Variants in EHMT1 observed in about 807,000 individuals in gnomAD.
EHMT1 encodes euchromatic histone lysine methyltransferase 1, also known as histone-lysine N-methyltransferase EHMT1.
Under a neutral mutation model 147.2 loss-of-function variants are expected in EHMT1, and 15 were observed. That is an observed-to-expected ratio of 0.10 (90% CI 0.07 to 0.16). The LOEUF is 0.16. Among genes scored for constraint, EHMT1 ranks in the 10% least tolerant of loss-of-function variants. The pLI is 1.00. For synonymous variants in EHMT1, 795 were observed against 709.6 expected (o/e 1.12, Z -1.91); for missense variants, 1,587 against 1,772.4 (o/e 0.90, Z 1.88).
At chr9:137,674,697 CG>C (rs1172724858) in intron 1 of EHMT1, among the ~76,000 whole-genome samples, 4 of 152,150 alleles carry the variant, frequency 2.6e-5, no homozygotes, top group South Asian at 2.1e-4. Flanking sequence ...GCTAGGTGCC[CG>C]GGTTGCAAAG....
intron 1 of EHMT1, among the ~76,000 whole-genome samples, chr9:137,705,673 G>A (rs182393131): frequency 1.7e-4 from 26 of 152,334 alleles, no homozygotes; most frequent in Non-Finnish European, 2.5e-4. Context: ...CAACCCACGC[G>A]GAAGGGGAGG....
rs187486288 is a variant in EHMT1, at chr9:137,731,396, G to A, written c.823+2867G>A. Among the ~76,000 whole-genome samples, 119 of 152,322 alleles carry A rather than the reference G, an allele frequency of 7.8e-4. No individual in the cohort carries two copies. Among genetic ancestry groups the A allele is most frequent in the African/African-American group, 2.7e-3 (112 of 41,564 alleles). ...GCTAGAACGTGTTAACTAGAGAGGA[G>A]CATGGCATGCCCAGCTGCCTTGTCT... On this transcript the variant is annotated intron_variant, in intron 4 of 26. Transcript: ENST00000460843. The surrounding 1 kb of genome is among the most constrained non-coding windows in gnomAD (Gnocchi z 4.3).
Position 137,726,555 on chromosome 9 carries a change from T to C in EHMT1, c.643-1794T>C, listed in dbSNP as rs1294048984. ...CCTCGGGTGGCTTCCCCCTTTTGGC[T>C]GCTGTGGTTGATGCTGCTATCAACG... On this transcript the variant is annotated intron_variant, in intron 3 of 26. Transcript: ENST00000460843. 1.4e-4 allele frequency among the ~76,000 whole-genome samples: 18 copies of C among 124,738 alleles called. No homozygotes were observed. The East Asian group carries it at 3.3e-3, about 23-fold the overall frequency. The allele number at this position is 124,738 out of a possible 152,430, so 81.8% of individuals were successfully genotyped here. A position where few individuals can be genotyped will look rare whatever the true frequency, so the allele number is the denominator to read the frequency against.
At chr9:137,780,780 GCTGAGATGTGTGGTGATGACGGCATCTCA>G (rs1407301824) in intron 14 of EHMT1, among the ~76,000 whole-genome samples, 5 of 103,916 alleles carry the variant, frequency 4.8e-5, no homozygotes, top group East Asian at 2.9e-4. Flanking sequence ...TGGTGATGAC[GCTGAGATGTGTGGTGATGACGGCATCTCA>G]CTGAGATGTG....
At chr9:137,725,299 G>A (rs1946518195) in intron 3 of EHMT1, among the ~76,000 whole-genome samples, 2 of 152,088 alleles carry the variant, frequency 1.3e-5, no homozygotes, top group African/African-American at 2.4e-5. Flanking sequence ...TGGCCTTCGT[G>A]TGGCAGACAT....
At chr9:137,646,448 C>T (rs577138316) in intron 1 of EHMT1, 2 of 985,284 alleles carry the variant, frequency 2.0e-6, no homozygotes, top group South Asian at 9.4e-5. Context: ...AGTAAGAGGG[C>T]TGAATGGGAG....
intron 10 of EHMT1, among the ~76,000 whole-genome samples, chr9:137,769,422 G>T (rs905893805): frequency 1.3e-5 from 2 of 152,170 alleles, no homozygotes; most frequent in Non-Finnish European, 2.9e-5. Flanking sequence ...GCACAAGGCT[G>T]CTGATAATGA....
At chr9:137,690,470 C>T (rs1379482037) in intron 1 of EHMT1, among the ~76,000 whole-genome samples, 1 of 146,050 alleles carries the variant, frequency 6.8e-6, no homozygotes, top group Non-Finnish European at 1.5e-5. Flanking sequence ...GATTGCCTCA[C>T]TGCACTCCCG....
At position 137,762,964 on chromosome 9, in the gene EHMT1, A is replaced by G; in HGVS notation, c.1647+144A>G. 3.9e-6 allele frequency: 4 copies of G among 1,025,432 alleles called. No individual in the cohort carries two copies. The South Asian group carries it at 5.4e-5, about 14-fold the overall frequency. The allele number at this position is 1,025,432 out of a possible 1,614,324, so 63.5% of individuals were successfully genotyped here. ...AGTGGATTCTGCGCAGAACCAATCG[A>G]GCAGATCCCAACAGTGAAATCACGG... On this transcript the variant is annotated intron_variant, in intron 10 of 26. Coordinates refer to ENST00000460843, the MANE Select transcript of EHMT1 (RefSeq NM_024757.5).
intron 18 of EHMT1, chr9:137,802,300 A>G (rs1953558888): frequency 2.5e-6 from 1 of 398,484 alleles, no homozygotes; most frequent in Non-Finnish European, 4.4e-6. Flanking sequence ...TTCAGAAGCC[A>G]GAAATGGGAG....
At chr9:137,656,153 G>A (rs1938418741) in intron 1 of EHMT1, among the ~76,000 whole-genome samples, 1 of 152,178 alleles carries the variant, frequency 6.6e-6, no homozygotes, top group African/African-American at 2.4e-5. Context: ...GCCGAGGTGG[G>A]CGGATCACCT....
At chr9:137,681,418 T>C (rs887296657) in intron 1 of EHMT1, among the ~76,000 whole-genome samples, 1 of 152,190 alleles carries the variant, frequency 6.6e-6, no homozygotes, top group African/African-American at 2.4e-5. Flanking sequence ...AAATATATAA[T>C]TATAGATCCT....
chr9:137,696,131 C>T (rs1186602317), intron 1 of EHMT1, among the ~76,000 whole-genome samples: 1 of 151,628 alleles, frequency 6.6e-6, no homozygotes, highest in Non-Finnish European at 1.5e-5. Flanking sequence ...CTTTTTCTGC[C>T]AAGGGAAAAA....
At chr9:137,635,654 A>G (rs1163437745) in intron 1 of EHMT1, among the ~76,000 whole-genome samples, 1 of 151,232 alleles carries the variant, frequency 6.6e-6, no homozygotes, top group Non-Finnish European at 1.5e-5. Flanking sequence ...CCCCGTCTCT[A>G]CTAAAAATAC....
chr9:137,641,366 G>A (rs1265533737), intron 1 of EHMT1: 22 of 505,814 alleles, frequency 4.3e-5, no homozygotes, highest in South Asian at 1.5e-4. Context: ...AAGGATTTTC[G>A]TCAAAATAAA....
In EHMT1 at chr9:137,820,464, A is replaced by G. The variant is rs550012296; in HGVS notation, c.3540+2326A>G. 1.1e-4 allele frequency among the ~76,000 whole-genome samples: 17 copies of G among 152,284 alleles called. No homozygotes were observed. In the East Asian group the frequency reaches 2.9e-3, roughly 26 times the overall value. ...TCTCTCTATGACTTTTTCATTTCCT[A>G]ATGATGTCTAGGAGTGAACAGAAGT... On this transcript the variant is annotated intron_variant, in intron 25 of 26. Coordinates refer to ENST00000460843, the MANE Select transcript of EHMT1 (RefSeq NM_024757.5).
At chr9:137,768,751 GT>G (rs1326930492) in intron 10 of EHMT1, among the ~76,000 whole-genome samples, 3 of 149,630 alleles carry the variant, frequency 2.0e-5, no homozygotes, top group Admixed American at 6.7e-5. Flanking sequence ...GGGTTTCACC[GT>G]TTTTAGCCGG....
In EHMT1 at chr9:137,782,580, T is replaced by TC. The variant is rs1296087774; in HGVS notation, c.2382+185dup. ...TGGATCAGTGCTTCCCGCTGTTTCT[T>TC]CCGGCATTTACCACGGCCTTTGAGA... On this transcript the variant is annotated intron_variant, in intron 15 of 26. Transcript: ENST00000460843. The surrounding 1 kb of genome is among the most constrained non-coding windows in gnomAD (Gnocchi z 5.7). 6.6e-6 allele frequency among the ~76,000 whole-genome samples: 1 copy of TC among 152,238 alleles called. No homozygotes were observed. Among genetic ancestry groups the TC allele is most frequent in the Non-Finnish European group, 1.5e-5 (1 of 68,040 alleles).
intron 1 of EHMT1, among the ~76,000 whole-genome samples, chr9:137,646,693 C>A (rs1039042312): frequency 2.0e-5 from 3 of 152,156 alleles, no homozygotes; most frequent in Non-Finnish European, 2.9e-5. Flanking sequence ...GAGCTCTGGC[C>A]GAATTGGAGG....
Sources: gnomAD v4.1 joint callset for allele counts (sites outside exome capture counted in the v4.1 genomes callset) on GRCh38, gnomAD v4.1.1 for gene constraint, Gnocchi (gnomAD v3.1) non-coding constraint, MANE v1.5 for transcripts, NCBI Gene and HGNC (gene_info 2026-07-23, HGNC 2026-07-21) for gene names.